Variants in WDR33 observed in about 807,000 individuals in gnomAD.
The protein encoded by WDR33 is pre-mRNA 3' end processing protein WDR33.
A neutral mutation model predicts 164.9 loss-of-function variants in WDR33; 47 were observed. That is an observed-to-expected ratio of 0.29 (90% CI 0.23 to 0.36). WDR33 has a LOEUF of 0.36. WDR33 is among the 10% of genes least tolerant of loss of function. WDR33 has a pLI of 1.00. For synonymous variants in WDR33, 505 were observed against 589.0 expected, an observed-to-expected ratio of 0.86 and a Z score of 2.06; for missense variants, 1,137 against 1,754.1, an observed-to-expected ratio of 0.65 and a Z score of 6.28.
Position 127,722,964 on chromosome 2 carries a change from G to C in WDR33, c.1372C>G (p.Gln458Glu), listed in dbSNP as rs887112845. ...TCTGTGTAACTTCTCTTACCCATCT[G>C]TTCTTGTTCCATAGCTAATTTTAGT... ...EQLKLAMEQEQMGKDESNEIE... is the reference protein window; with the variant it reads ...EQLKLAMEQEEMGKDESNEIE... The change falls in exon 13 of 22, where the codon CAG becomes GAG. Residue 458 changes from glutamine (Q) to glutamate (E), a missense_variant. Gln to Glu is a conservative substitution (Grantham distance 29, BLOSUM62 2). Around this residue, in one of 9 missense-constraint regions of WDR33, gnomAD observed 75 missense variants for 124.7 expected, o/e 0.60. Coordinates refer to ENST00000322313, the MANE Select transcript of WDR33 (RefSeq NM_018383.5). The surrounding 1 kb of genome is among the most constrained non-coding windows in gnomAD (Gnocchi z 5.1). The C allele has an allele frequency of 2.2e-5, 36 of 1,607,934 alleles. No individual in the cohort carries two copies. Among genetic ancestry groups the C allele is most frequent in the Non-Finnish European group, 3.0e-5 (35 of 1,178,376 alleles).
chr2:127,718,406 C>A lies in WDR33; in HGVS notation c.2760+859G>T, dbSNP rs1686347186. Among the ~76,000 whole-genome samples, 1 of 152,032 alleles carries A rather than the reference C, an allele frequency of 6.6e-6. No individual in the cohort carries two copies. The highest frequency in any genetic ancestry group is 2.4e-5 in the African/African-American group (1 of 41,384). ...CTCAGTTATTCATACCCAAATAATG[C>A]CTCCAGACTAAGAACTTGAGAAAAG... On this transcript the variant is annotated intron_variant, in intron 16 of 21. Coordinates refer to ENST00000322313, the MANE Select transcript of WDR33 (RefSeq NM_018383.5). This position sits in a 1 kb window ranked among gnomAD's most constrained non-coding sequence, Gnocchi z 4.4.
chr2:127,705,505 A>G lies in WDR33; in HGVS notation c.*818T>C, dbSNP rs1685989729. The G allele has an allele frequency of 6.6e-6, 1 of 152,208 alleles. No individual in the cohort carries two copies. The highest frequency in any genetic ancestry group is 2.4e-5 in the African/African-American group (1 of 41,458). The allele number at this position is 152,208 out of a possible 1,614,324, so 9.4% of individuals were successfully genotyped here. A position where few individuals can be genotyped will look rare whatever the true frequency, so the allele number is the denominator to read the frequency against. ...CCATGTGTGATTTCAAGTTATCTAA[A>G]GGGCATGTGACTTTATTTCTGACTA... is the stretch of plus-strand genomic sequence containing the variant. On this transcript the variant is annotated 3_prime_UTR_variant, in exon 22 of 22. Coordinates refer to ENST00000322313, the MANE Select transcript of WDR33 (RefSeq NM_018383.5). The surrounding 1 kb of genome is among the most constrained non-coding windows in gnomAD (Gnocchi z 4.5).
chr2:127,738,152 G>A lies in WDR33; in HGVS notation c.725-11375C>T. The A allele has an allele frequency of 8.8e-7, 1 of 1,130,342 alleles. No homozygotes were observed. Among genetic ancestry groups the A allele is most frequent in the Non-Finnish European group, 1.2e-6 (1 of 837,118 alleles). 70.0% of individuals were successfully genotyped at this position (1,130,342 alleles called of 1,614,324 possible). ...GATTGTGTAATTTCCAGATATGACT[G>A]AGATTTTTTTCTATTAATGAGTAAT... is the stretch of plus-strand genomic sequence containing the variant. On this transcript the variant is annotated intron_variant, in intron 7 of 21. Coordinates refer to ENST00000322313, the MANE Select transcript of WDR33 (RefSeq NM_018383.5). The surrounding 1 kb of genome is among the most constrained non-coding windows in gnomAD (Gnocchi z 4.4).
chr2:127,728,568 T>C (rs1686624665), intron 7 of WDR33, among the ~76,000 whole-genome samples: 1 of 152,212 alleles, frequency 6.6e-6, no homozygotes, highest in Non-Finnish European at 1.5e-5. Context: ...TTGCTTTGTC[T>C]TTTAAAAAGA....
At chr2:127,771,609 C>T (rs574625174) in intron 1 of WDR33, among the ~76,000 whole-genome samples, 2 of 152,040 alleles carry the variant, frequency 1.3e-5, no homozygotes, top group Non-Finnish European at 2.9e-5. Context: ...AGATTCCCAT[C>T]TCTACAAAAA....
intron 7 of WDR33, chr2:127,762,812 A>C (rs1279594475): frequency 7.7e-7 from 1 of 1,290,630 alleles, no homozygotes; most frequent in Admixed American, 3.5e-5. Context: ...CATACAGATA[A>C]GCAAGTAAGG....
chr2:127,811,124 A>T lies in WDR33; in HGVS notation c.-136T>A, dbSNP rs1278475451. 6.5e-6 allele frequency: 1 copy of T among 152,744 alleles called. No homozygotes were observed. Among genetic ancestry groups the T allele is most frequent in the Non-Finnish European group, 1.5e-5 (1 of 68,114 alleles). 9.5% of individuals were successfully genotyped at this position (152,744 alleles called of 1,614,324 possible). A position where few individuals can be genotyped will look rare whatever the true frequency, so the allele number is the denominator to read the frequency against. On this transcript the variant is annotated 5_prime_UTR_variant, in exon 1 of 22. It introduces an in-frame stop codon into an upstream open reading frame of the 5' UTR. Transcript: ENST00000322313. This position sits in a 1 kb window ranked among gnomAD's most constrained non-coding sequence, Gnocchi z 4.1. ...CCGATCCTCTCAATCCCGCTCCTCC[A>T]AAGGAGCAGCCGCCATCTTCCCCTA...
chr2:127,774,253 T>C (rs1688109612), intron 1 of WDR33, among the ~76,000 whole-genome samples: 1 of 151,182 alleles, frequency 6.6e-6, no homozygotes, highest in Non-Finnish European at 1.5e-5. Flanking sequence ...GGTTTCACCA[T>C]GTTGGCCAGG....
rs1686910195 is a variant in WDR33, at chr2:127,738,184, T to C, written c.725-11407A>G. On this transcript the variant is annotated intron_variant, in intron 7 of 21. Transcript: ENST00000322313. The surrounding 1 kb of genome is among the most constrained non-coding windows in gnomAD (Gnocchi z 4.4). The stretch of plus-strand genomic sequence containing the variant: ...TTTTCTATTAATGAGTAATCTGAGA[T>C]AACATATGCTCCAACTGGATCTTAA... 5.8e-6 allele frequency: 4 copies of C among 692,402 alleles called. No individual in the cohort carries two copies. The East Asian group carries it at 1.0e-4, about 17-fold the overall frequency. The allele number at this position is 692,402 out of a possible 1,614,324, so 42.9% of individuals were successfully genotyped here. A position where few individuals can be genotyped will look rare whatever the true frequency, so the allele number is the denominator to read the frequency against.
In WDR33 at chr2:127,701,911, G is replaced by A; in HGVS notation, c.*4412C>T. On this transcript the variant is annotated 3_prime_UTR_variant, in exon 22 of 22. Transcript: ENST00000322313. ...TTGGCGGGAAGCGCGCTGCTGCGGG[G>A]CGGCGCGGCGTGCGGACGCCTGCTG... The A allele has an allele frequency of 2.1e-6, 3 of 1,449,038 alleles. No homozygotes were observed. Among genetic ancestry groups the A allele is most frequent in the Non-Finnish European group, 2.7e-6 (3 of 1,107,262 alleles). 89.8% of individuals were successfully genotyped at this position (1,449,038 alleles called of 1,614,324 possible).
rs1328062157 is a variant in WDR33, at chr2:127,805,361, C to G, written c.-24+5651G>C. Among the ~76,000 whole-genome samples the G allele has an allele frequency of 3.6e-4, 55 of 151,996 alleles. 1 individual carries two copies. The highest frequency in any genetic ancestry group is 3.5e-3 in the Admixed American group (53 of 15,238). Reference sequence around the variant, plus strand: ...CCTCTCAAAGTGCTGGGATTACAGACATGAGCCAGCGCACCTGGCCTCTAT... The same window carrying G: ...CCTCTCAAAGTGCTGGGATTACAGAGATGAGCCAGCGCACCTGGCCTCTAT... On this transcript the variant is annotated intron_variant, in intron 1 of 21. Coordinates refer to ENST00000322313, the MANE Select transcript of WDR33 (RefSeq NM_018383.5).
rs768193048 is a variant in WDR33, at chr2:127,720,055, C to T, written c.1970G>A (p.Gly657Glu). The T allele has an allele frequency of 1.2e-6, 2 of 1,614,016 alleles. No individual in the cohort carries two copies. The highest frequency in any genetic ancestry group is 2.7e-5 in the African/African-American group (2 of 74,944). The part of the protein sequence containing the change: ...GGPQGFMGPQ[G>E]PQGPPQGLPR... ...CAACCCCTGGGGCGGGCCCTGGGGCCCCTGTGGTCCCATGAATCCTTGTGG... is the reference window on the plus strand; with the variant it reads ...CAACCCCTGGGGCGGGCCCTGGGGCTCCTGTGGTCCCATGAATCCTTGTGG... Residue 657 changes from glycine (G) to glutamate (E), a missense_variant, in exon 16 of 22, where the codon GGG becomes GAG. Physicochemically the swap from Gly to Glu is moderately conservative, Grantham distance 98. Coordinates refer to ENST00000322313, the MANE Select transcript of WDR33 (RefSeq NM_018383.5). This position sits in a 1 kb window ranked among gnomAD's most constrained non-coding sequence, Gnocchi z 5.9.
intron 17 of WDR33, among the ~76,000 whole-genome samples, chr2:127,715,374 G>A (rs1007725690): frequency 2.0e-5 from 3 of 152,116 alleles, no homozygotes; most frequent in African/African-American, 4.8e-5. Flanking sequence ...ATGCGCCACT[G>A]CACCTGGCCC....
At position 127,718,962 on chromosome 2, in the gene WDR33, C is replaced by T. The variant is rs1686359068; in HGVS notation, c.2760+303G>A. On this transcript the variant is annotated intron_variant, in intron 16 of 21. Coordinates refer to ENST00000322313, the MANE Select transcript of WDR33 (RefSeq NM_018383.5). The surrounding 1 kb of genome is among the most constrained non-coding windows in gnomAD (Gnocchi z 4.4). ...CCTCAGGGCCACAGCTCTCCTGGAG[C>T]CCTGGGACAATTATCAGCTGTACTC... is the stretch of plus-strand genomic sequence containing the variant. Among the ~76,000 whole-genome samples, 1 of 152,138 alleles carries T rather than the reference C, an allele frequency of 6.6e-6. No homozygotes were observed. The highest frequency in any genetic ancestry group is 2.1e-4 in the South Asian group (1 of 4,824).
At position 127,720,486 on chromosome 2, in the gene WDR33, G is replaced by C; in HGVS notation, c.1672-133C>G. The C allele has an allele frequency of 1.8e-6, 2 of 1,095,434 alleles. No individual in the cohort carries two copies. The highest frequency in any genetic ancestry group is 2.4e-6 in the Non-Finnish European group (2 of 821,476). 67.9% of individuals were successfully genotyped at this position (1,095,434 alleles called of 1,614,324 possible). On this transcript the variant is annotated intron_variant, in intron 15 of 21. Coordinates refer to ENST00000322313, the MANE Select transcript of WDR33 (RefSeq NM_018383.5). This position sits in a 1 kb window ranked among gnomAD's most constrained non-coding sequence, Gnocchi z 5.9. ...TGCTCAAACTCTTCACGCTCCAGTG[G>C]TAATTAGAGTCCATGCAACACTCAA...
At chr2:127,745,269 A>G (rs1202455442) in intron 7 of WDR33, among the ~76,000 whole-genome samples, 2 of 152,178 alleles carry the variant, frequency 1.3e-5, no homozygotes, top group African/African-American at 2.4e-5. Flanking sequence ...TGTGCTATCG[A>G]TCCTTCCCAG....
chr2:127,780,687 T>TC (rs1171549030), intron 1 of WDR33, among the ~76,000 whole-genome samples: 4 of 151,958 alleles, frequency 2.6e-5, no homozygotes, highest in Non-Finnish European at 4.4e-5. Context: ...AGTGAGACCC[T>TC]CCTCCTTCAA....
At chr2:127,786,543 C>G (rs1232159372) in intron 1 of WDR33, among the ~76,000 whole-genome samples, 2 of 152,092 alleles carry the variant, frequency 1.3e-5, no homozygotes, top group Non-Finnish European at 2.9e-5. Flanking sequence ...ATTAGCTGGG[C>G]ATGGTGGTGC....
At chr2:127,809,234 AAG>A (rs1689551556) in intron 1 of WDR33, among the ~76,000 whole-genome samples, 1 of 152,070 alleles carries the variant, frequency 6.6e-6, no homozygotes, top group Non-Finnish European at 1.5e-5. Context: ...TTACTTAGCA[AAG>A]AGAGCTCTGA....
Sources: allele counts gnomAD v4.1 joint callset (sites outside exome capture counted in the v4.1 genomes callset), GRCh38; gene constraint gnomAD v4.1.1; regional missense constraint gnomAD v4.1.1; non-coding constraint Gnocchi (gnomAD v3.1); transcripts MANE v1.5; gene names NCBI Gene and HGNC (gene_info 2026-07-23, HGNC 2026-07-21).